The following PIK3C2A variants were observed in gnomAD, a reference collection of about 807,000 sequenced individuals.
PIK3C2A encodes phosphatidylinositol 4-phosphate 3-kinase C2 domain-containing subunit alpha.
A neutral mutation model predicts 204.5 loss-of-function variants in PIK3C2A; 97 were observed. The ratio of observed to expected loss-of-function variants is 0.47; its 90% CI spans 0.40 to 0.56. The LOEUF (loss-of-function observed/expected upper bound fraction) is 0.56, where lower values mean the gene tolerates loss of function less well. Among genes scored for constraint, PIK3C2A ranks in the 20% least tolerant of loss-of-function variants. The probability of loss-of-function intolerance (pLI) is 0.00; values close to 1 mark genes in which losing one functional copy is unlikely to be tolerated. For missense variants in PIK3C2A, 1,735 were observed against 1,969.2 expected, an observed-to-expected ratio of 0.88 and a Z score of 2.25; for synonymous variants, 653 against 664.4, an observed-to-expected ratio of 0.98 and a Z score of 0.26.
At chr11:17,137,849 C>T (rs764069384) in intron 8 of PIK3C2A, 209 of 308,724 alleles carry the variant, frequency 6.8e-4, no homozygotes, top group Admixed American at 1.0e-3. Flanking sequence ...TAGATTTTGT[C>T]AATTGAACAC....
intron 3 of PIK3C2A, among the ~76,000 whole-genome samples, chr11:17,152,855 T>C (rs1305899080): frequency 6.6e-6 from 1 of 152,130 alleles, no homozygotes; most frequent in African/African-American, 2.4e-5. Flanking sequence ...AATGAGGGTT[T>C]TGAAAAATTT....
At chr11:17,166,065 T>C (rs1850937061) in intron 2 of PIK3C2A, among the ~76,000 whole-genome samples, 3 of 152,202 alleles carry the variant, frequency 2.0e-5, no homozygotes, top group African/African-American at 4.8e-5. Context: ...TTCTACAGTA[T>C]ACATCTCTAA....
At chr11:17,112,022 C>T (rs1230380594) in intron 21 of PIK3C2A, among the ~76,000 whole-genome samples, 1 of 150,774 alleles carries the variant, frequency 6.6e-6, no homozygotes, top group African/African-American at 2.4e-5. Context: ...GATGTGAGTA[C>T]AAAGGAATTT....
At chr11:17,183,922 T>C (rs1591009224) in intron 1 of PIK3C2A, among the ~76,000 whole-genome samples, 1 of 143,948 alleles carries the variant, frequency 6.9e-6, no homozygotes, top group East Asian at 2.1e-4. Context: ...CTGAGCAACA[T>C]AGTGAGAACC....
At chr11:17,195,658 G>C (rs1852123976) in intron 1 of PIK3C2A, among the ~76,000 whole-genome samples, 1 of 151,800 alleles carries the variant, frequency 6.6e-6, no homozygotes, top group African/African-American at 2.4e-5. Flanking sequence ...CAGGAGGATT[G>C]CTTGAACCCA....
intron 22 of PIK3C2A, among the ~76,000 whole-genome samples, chr11:17,106,960 T>C (rs2137301820): frequency 1.3e-5 from 2 of 152,338 alleles, no homozygotes; most frequent in Non-Finnish European, 2.9e-5. Context: ...TTTGGCCTCC[T>C]AATTGAAATA....
chr11:17,135,687 G>A (rs1469423267), intron 9 of PIK3C2A, among the ~76,000 whole-genome samples: 2 of 124,070 alleles, frequency 1.6e-5, no homozygotes, highest in Admixed American at 7.9e-5. Flanking sequence ...ATGTGTGTGT[G>A]TGTGTGTGTG....
In PIK3C2A at chr11:17,092,061, A is replaced by G; in HGVS notation, c.4577T>C (p.Leu1526Pro). The G allele has an allele frequency of 6.2e-7, 1 of 1,605,912 alleles. No individual in the cohort carries two copies. Among genetic ancestry groups the G allele is most frequent in the Non-Finnish European group, 8.5e-7 (1 of 1,172,558 alleles). ...NASTDVAECD[L>P]VCTFFHPLLR... ...TAAAGGGTGGAAGAAAGTACAAACA[A>G]GATCACACTAAGAATAAAGAGAAAG... Residue 1526 changes from leucine (L) to proline (P), a missense_variant, in exon 30 of 33, where the codon CTT (leucine) becomes CCT (proline). By Grantham distance (98) the Leu-to-Pro change is moderately conservative (BLOSUM62 -3). This residue lies in a region of PIK3C2A where 503 missense variants were observed against 669.0 expected (regional missense o/e 0.75). Coordinates refer to ENST00000691414, the MANE Select transcript of PIK3C2A (RefSeq NM_002645.4).
At chr11:17,160,052 A>G (rs1850724162) in intron 2 of PIK3C2A, among the ~76,000 whole-genome samples, 2 of 152,210 alleles carry the variant, frequency 1.3e-5, no homozygotes, top group Admixed American at 1.3e-4. Context: ...ACACGCTCAT[A>G]GAAATACCCA....
rs1200485160 is a variant in PIK3C2A at position 17,174,370 on chromosome 11, G to A, written c.-65-4564C>T. Among the ~76,000 whole-genome samples the A allele has an allele frequency of 1.2e-4, 6 of 48,446 alleles. 2 individuals carry two copies. The East Asian group carries it at 9.1e-3, about 73-fold the overall frequency. The allele number at this position is 48,446 out of a possible 152,430, so 31.8% of individuals were successfully genotyped here. On this transcript the variant is annotated intron_variant, in intron 1 of 32. Coordinates refer to ENST00000691414, the MANE Select transcript of PIK3C2A (RefSeq NM_002645.4). Reference sequence around the variant, plus strand: ...TGGGAGGCCGAGGCGGGCGGATCACGAGGTCAGGAGATCGAGACCATCCTG... The same window carrying A: ...TGGGAGGCCGAGGCGGGCGGATCACAAGGTCAGGAGATCGAGACCATCCTG...
In PIK3C2A at chr11:17,187,644, A is replaced by C. The variant is rs577413395; in HGVS notation, c.-65-17838T>G. Reference sequence around the variant, plus strand: ...GAAAAGTAAGGAATTATAAGTAACAAGGGTATATTATGCTTTCAAAGGGAA... The same window carrying C: ...GAAAAGTAAGGAATTATAAGTAACACGGGTATATTATGCTTTCAAAGGGAA... On this transcript the variant is annotated intron_variant, in intron 1 of 32. Coordinates refer to ENST00000691414, the MANE Select transcript of PIK3C2A (RefSeq NM_002645.4). Among the ~76,000 whole-genome samples, 4 of 152,284 alleles carry C rather than the reference A, an allele frequency of 2.6e-5. No homozygotes were observed. The South Asian group carries it at 8.3e-4, about 32-fold the overall frequency.
In PIK3C2A at chr11:17,169,227, A is replaced by C. The variant is rs1851076899; in HGVS notation, c.515T>G (p.Phe172Cys). The C allele has an allele frequency of 6.2e-7, 1 of 1,614,040 alleles. No individual in the cohort carries two copies. Among genetic ancestry groups the C allele is most frequent in the Admixed American group, 1.7e-5 (1 of 59,996 alleles). ...TGGAAAAGTGGGCATTCTTGGATTGAAGCCATTTTGGAATGCAGCCTGTTT... is the reference window on the plus strand; with the variant it reads ...TGGAAAAGTGGGCATTCTTGGATTGCAGCCATTTTGGAATGCAGCCTGTTT... ...YSKQAAFQNG[F>C]NPRMPTFPST... The change falls in exon 2 of 33, where the codon TTC becomes TGC. Residue 172 changes from phenylalanine (F) to cysteine (C), a missense_variant. Coordinates refer to ENST00000691414, the MANE Select transcript of PIK3C2A (RefSeq NM_002645.4).
In PIK3C2A at chr11:17,169,535, G is replaced by C. The variant is rs754057932; in HGVS notation, c.207C>G (p.Asn69Lys). The C allele has an allele frequency of 6.2e-7, 1 of 1,614,058 alleles. No individual in the cohort carries two copies. ...ACACCATGAGATCATAATCCTGCTT[G>C]TTATAAACCTGTGCTTTTTTTCTGG... ...SSTRKKAQVY[N>K]KQDYDLMVFP... The change falls in exon 2 of 33, where the codon AAC becomes AAG. Residue 69 changes from asparagine (N) to lysine (K), a missense_variant. Physicochemically the swap from Asn to Lys is moderately conservative, Grantham distance 94. This residue lies in a region of PIK3C2A where 536 missense variants were observed against 546.7 expected (regional missense o/e 0.98). Coordinates refer to ENST00000691414, the MANE Select transcript of PIK3C2A (RefSeq NM_002645.4).
Position 17,145,726 on chromosome 11 carries a change from G to C in PIK3C2A, c.1646C>G (p.Pro549Arg). Reference sequence around the variant, plus strand: ...ATAAGAATCTAAGAGTTCTTCAACAGGGTGTCTGAAAGAAACAACAGTTAT... The same window carrying C: ...ATAAGAATCTAAGAGTTCTTCAACACGGTGTCTGAAAGAAACAACAGTTAT... ...KPCKEAMTRH[P>R]VEELLDSYHN... The change falls in exon 8 of 33, where the codon CCT becomes CGT. Residue 549 changes from proline (P) to arginine (R), a missense_variant. Pro to Arg is a moderately radical substitution (Grantham distance 103). Around this residue, in one of 6 missense-constraint regions of PIK3C2A, gnomAD observed 106 missense variants for 108.2 expected, o/e 0.98. Coordinates refer to ENST00000691414, the MANE Select transcript of PIK3C2A (RefSeq NM_002645.4). 1.2e-6 allele frequency: 2 copies of C among 1,605,312 alleles called. No individual in the cohort carries two copies. The highest frequency in any genetic ancestry group is 2.2e-5 in the South Asian group (2 of 90,758).
At chr11:17,117,708 GTTTTT>G (rs35485246) in intron 18 of PIK3C2A, 37 bp from the exon 19 acceptor site, 436 of 318,770 alleles carry the variant, frequency 1.4e-3, no homozygotes, top group East Asian at 2.2e-3. Context: ...TCACGTCTTG[GTTTTT>G]TTTTTTTTTT....
chr11:17,119,733 C>A, intron 16 of PIK3C2A, 53 bp downstream of exon 16: 2 of 1,126,304 alleles, frequency 1.8e-6, no homozygotes, highest in Non-Finnish European at 2.5e-6. Context: ...GGCAACATAC[C>A]TTACTGGAAA....
rs1565235121 is a variant in PIK3C2A, at chr11:17,094,253, A to C, written c.4451+8T>G. 1 of 1,602,366 alleles carries C rather than the reference A, an allele frequency of 6.2e-7. No individual in the cohort carries two copies. Among genetic ancestry groups the C allele is most frequent in the Admixed American group, 1.7e-5 (1 of 59,330 alleles). Reference sequence around the variant, plus strand: ...AAAAAGGATTAATGTACAAGGATGAATACATACCCTGGTAACTTCCAAAGT... The same window carrying C: ...AAAAAGGATTAATGTACAAGGATGACTACATACCCTGGTAACTTCCAAAGT... On this transcript the variant is annotated splice_region_variant and intron_variant, in intron 28 of 32. Transcript: ENST00000691414.
chr11:17,145,746 A>G lies in PIK3C2A; in HGVS notation c.1641-15T>C, dbSNP rs1490380201. On this transcript the variant is annotated splice_polypyrimidine_tract_variant and intron_variant, in intron 7 of 32. Transcript: ENST00000691414. ...CAACAGGGTGTCTGAAAGAAACAAC[A>G]GTTATTGTGGCTGAAGGATGCTACA... is the stretch of plus-strand genomic sequence containing the variant. 8 of 1,593,920 alleles carry G rather than the reference A, an allele frequency of 5.0e-6. No individual in the cohort carries two copies. In the Admixed American group the frequency reaches 6.7e-5, roughly 13 times the overall value.
intron 1 of PIK3C2A, among the ~76,000 whole-genome samples, chr11:17,206,021 G>A (rs1852560785): frequency 6.6e-6 from 1 of 152,204 alleles, no homozygotes; most frequent in Admixed American, 6.5e-5. Flanking sequence ...TACTCAGGAG[G>A]CTGAGGCAGG....
Sources: gnomAD v4.1 joint callset for allele counts (sites outside exome capture counted in the v4.1 genomes callset) on GRCh38, gnomAD v4.1.1 for gene constraint, gnomAD v4.1.1 regional missense constraint, MANE v1.5 for transcripts, NCBI Gene and HGNC (gene_info 2026-07-23, HGNC 2026-07-21) for gene names.